The following INF2 variants were observed in gnomAD, a reference collection of about 807,000 sequenced individuals.
INF2 encodes inverted formin-2.
Under a neutral mutation model 123.5 loss-of-function variants are expected in INF2, and 43 were observed. That is an observed-to-expected ratio of 0.35 (90% CI 0.27 to 0.45). INF2 has a LOEUF of 0.45. Among genes scored for constraint, INF2 ranks in the 20% least tolerant of loss-of-function variants. INF2 has a pLI of 1.00. For missense variants in INF2, 1,453 were observed against 1,682.7 expected, an observed-to-expected ratio of 0.86 and a Z score of 2.39; for synonymous variants, 851 against 745.0, an observed-to-expected ratio of 1.14 and a Z score of -2.32.
At chr14:104,708,809 G>A in intron 10 of INF2, 77 bp downstream of exon 10, 1 of 1,463,130 alleles carries the variant, frequency 6.8e-7, no homozygotes, top group Non-Finnish European at 9.6e-7. Context: ...GGGCCCAGCA[G>A]TGCCCTCTGC....
chr14:104,694,302 C>G (rs562835866), intron 1 of INF2, among the ~76,000 whole-genome samples: 1 of 152,268 alleles, frequency 6.6e-6, no homozygotes, highest in Non-Finnish European at 1.5e-5. Flanking sequence ...CTGGCACCCT[C>G]GTGTCCCAGC....
At position 104,714,760 on chromosome 14, in the gene INF2, G is replaced by C. The variant is rs764338863; in HGVS notation, c.3598G>C (p.Asp1200His). 24 of 1,599,648 alleles carry C rather than the reference G, an allele frequency of 1.5e-5. No individual in the cohort carries two copies. The highest frequency in any genetic ancestry group is 3.3e-4 in the Middle Eastern group (2 of 5,996). The change falls in exon 21 of 23, where the codon GAC becomes CAC. Residue 1200 changes from aspartate (D) to histidine (H), a missense_variant. Transcript: ENST00000392634. ...DKSFSEDAVT[D>H]SSGSGTLPRA... is the part of the protein sequence containing the mutation. ...GTCCTTCTCCGAGGATGCGGTGACC[G>C]ACTCCTCGGGGTCGGGCACACTCCC...
chr14:104,710,765 G>C (rs1376469441), intron 13 of INF2, 172 bp from the exon 14 acceptor site: 1 of 616,668 alleles, frequency 1.6e-6, no homozygotes, highest in Non-Finnish European at 2.9e-6. Context: ...ACTCCCGTCG[G>C]TGGAGGGTTT....
chr14:104,701,678 G>T lies in INF2; in HGVS notation c.313G>T (p.Val105Leu). Residue 105 changes from valine to leucine, a missense_variant, in exon 2 of 23, where the codon GTG becomes TTG. By Grantham distance (32) the Val-to-Leu change is conservative. Around this residue, in one of 8 missense-constraint regions of INF2, gnomAD observed 251 missense variants for 349.4 expected, o/e 0.72. Transcript: ENST00000392634. ...ALLQLTCVSC[V>L]RAVMNSRQGI... ...GCTGCAGCTCACCTGCGTCAGCTGC[G>T]TGCGCGCCGTCATGAACTCGCGGCA... 6.3e-7 allele frequency: 1 copy of T among 1,580,308 alleles called. No homozygotes were observed.
intron 10 of INF2, among the ~76,000 whole-genome samples, chr14:104,709,042 GC>G (rs1889916762): frequency 6.6e-6 from 1 of 152,200 alleles, no homozygotes; most frequent in Admixed American, 6.5e-5. Context: ...GAGGGAGCTG[GC>G]TGGACCCGAC....
chr14:104,708,763 C>T (rs1219642278), intron 10 of INF2, 31 bp downstream of exon 10: 2 of 1,608,548 alleles, frequency 1.2e-6, no homozygotes, highest in Non-Finnish European at 1.7e-6. Context: ...CCATCCCAGG[C>T]CACGGAGCCT....
rs938171432 is a variant in INF2 at position 104,684,024 on chromosome 14, A to G, written c.-104+2442A>G. Reference sequence around the variant, plus strand: ...CCCTCCAGCTCCTCAAATTCCCAACACCAGGGTTGCAAGGCCCAGTGTCTT... The same window carrying G: ...CCCTCCAGCTCCTCAAATTCCCAACGCCAGGGTTGCAAGGCCCAGTGTCTT... On this transcript the variant is annotated intron_variant, in intron 1 of 2. Coordinates refer to the INF2 transcript ENST00000674723. This position sits in a 1 kb window ranked among gnomAD's most constrained non-coding sequence, Gnocchi z 5.0. 1 of 455,828 alleles carries G rather than the reference A, an allele frequency of 2.2e-6. No individual in the cohort carries two copies. Among genetic ancestry groups the G allele is most frequent in the African/African-American group, 2.0e-5 (1 of 50,132 alleles). 28.2% of individuals were successfully genotyped at this position (455,828 alleles called of 1,614,324 possible).
Position 104,699,969 on chromosome 14 carries a change from G to A in INF2, c.-9-1388G>A, listed in dbSNP as rs1595161357. On this transcript the variant is annotated intron_variant, in intron 1 of 22. Transcript: ENST00000392634. The surrounding 1 kb of genome is among the most constrained non-coding windows in gnomAD (Gnocchi z 4.7). ...CTGAGGGGCGGTGCGGGGAGTAGGG[G>A]CTGGACTGCCGGAAACACCAGGCTT... Among the ~76,000 whole-genome samples the A allele has an allele frequency of 6.6e-6, 1 of 152,286 alleles. No homozygotes were observed. Among genetic ancestry groups the A allele is most frequent in the East Asian group, 1.9e-4 (1 of 5,176 alleles).
chr14:104,707,137 C>T (rs1889818126), intron 7 of INF2, 86 bp downstream of exon 7: 16 of 1,510,260 alleles, frequency 1.1e-5, no homozygotes, highest in Non-Finnish European at 1.3e-5. Context: ...CTGCCCTTGG[C>T]CCCAACCCAT....
chr14:104,698,916 G>C (rs1889333428), intron 1 of INF2, among the ~76,000 whole-genome samples: 2 of 152,212 alleles, frequency 1.3e-5, no homozygotes, highest in Non-Finnish European at 1.5e-5. Context: ...GGGCAGCTCA[G>C]ACACAGAGCC....
chr14:104,681,559 C>T, exon 1 of INF2: 1 of 1,289,074 alleles, frequency 7.8e-7, no homozygotes, highest in Non-Finnish European at 1.0e-6. Context: ...TGGATTTCCA[C>T]TTCAATTGGA....
intron 11 of INF2, 106 bp downstream of exon 11, chr14:104,709,489 C>A: frequency 7.9e-7 from 1 of 1,265,804 alleles, no homozygotes; most frequent in Non-Finnish European, 1.2e-6. Context: ...GGCATCCCAG[C>A]CCTACCTCTG....
chr14:104,681,181 C>T, exon 1 of INF2: 1 of 316,534 alleles, frequency 3.2e-6, no homozygotes, highest in Non-Finnish European at 6.3e-6. Flanking sequence ...CTGGCATATG[C>T]AGGAGGAAAT....
intron 5 of INF2, 59 bp downstream of exon 5, chr14:104,704,008 A>C: frequency 6.2e-7 from 1 of 1,602,872 alleles, no homozygotes; most frequent in Non-Finnish European, 8.5e-7. Flanking sequence ...GGCCAGGCCC[A>C]CCTGCCCTTT....
chr14:104,689,774 C>T, intron 1 of INF2, 35 bp downstream of exon 1: 1 of 980,820 alleles, frequency 1.0e-6, no homozygotes, highest in Non-Finnish European at 1.2e-6. Context: ...CTTGGAGCTT[C>T]AGGGGAAACT....
At chr14:104,711,400 C>T (rs1037659919) in intron 15 of INF2, among the ~76,000 whole-genome samples, 2 of 152,210 alleles carry the variant, frequency 1.3e-5, no homozygotes, top group Non-Finnish European at 1.5e-5. Flanking sequence ...CCTGCACGAG[C>T]CTTGTCCCTC....
At chr14:104,694,028 C>T (rs1889072619) in intron 1 of INF2, among the ~76,000 whole-genome samples, 1 of 152,246 alleles carries the variant, frequency 6.6e-6, no homozygotes, top group African/African-American at 2.4e-5. Context: ...TTGGGGACAC[C>T]CAGGGCCCCT....
At chr14:104,718,580 C>CACAGCCTGGCCAGG (rs1890427060) in intron 22 of INF2, among the ~76,000 whole-genome samples, 1 of 152,172 alleles carries the variant, frequency 6.6e-6, no homozygotes, top group Non-Finnish European at 1.5e-5. Flanking sequence ...CTTGCCAAAA[C>CACAGCCTGGCCAGG]CCAGCCTGGC....
intron 1 of INF2, among the ~76,000 whole-genome samples, chr14:104,682,316 C>A (rs2140567723): frequency 6.6e-6 from 1 of 152,288 alleles, no homozygotes; most frequent in South Asian, 2.1e-4. Context: ...GGCCTTCCCA[C>A]CCCTCCTCTG....
Sources: gnomAD v4.1 joint callset for allele counts (sites outside exome capture counted in the v4.1 genomes callset) on GRCh38, gnomAD v4.1.1 for gene constraint, gnomAD v4.1.1 regional missense constraint, Gnocchi (gnomAD v3.1) non-coding constraint, MANE v1.5 for transcripts, NCBI Gene and HGNC (gene_info 2026-07-23, HGNC 2026-07-21) for gene names.